Variants in URI1 observed in about 807,000 individuals in gnomAD.
URI1 encodes the protein unconventional prefoldin RPB5 interactor 1.
URI1 carries 39 observed loss-of-function variants against 60.2 expected under a neutral mutation model. That is an observed-to-expected ratio of 0.65 (90% CI 0.50 to 0.85). The LOEUF (loss-of-function observed/expected upper bound fraction) is 0.85, where lower values mean the gene tolerates loss of function less well. Among genes scored for constraint, URI1 ranks in the 40% least tolerant of loss-of-function variants. The probability of loss-of-function intolerance (pLI) is 0.00; values close to 1 mark genes in which losing one functional copy is unlikely to be tolerated. For synonymous variants in URI1, 251 were observed against 236.8 expected (o/e 1.06, Z -0.55); for missense variants, 691 against 665.9 (o/e 1.04, Z -0.42).
At chr19:29,942,121 A>G (rs966201400), upstream of URI1, 2 of 720,396 alleles carry the variant, frequency 2.8e-6, no homozygotes, top group Admixed American at 6.3e-5. Flanking sequence ...GGACACCGCC[A>G]GCCCCAGCCA....
chr19:29,964,622 G>A (rs572759637), intron 1 of URI1, among the ~76,000 whole-genome samples: 1 of 151,590 alleles, frequency 6.6e-6, no homozygotes, highest in Admixed American at 6.6e-5. Context: ...CACAACGCCT[G>A]GCCAATTTTT....
chr19:29,964,452 GTT>G (rs1380907956), intron 1 of URI1, among the ~76,000 whole-genome samples: 2 of 137,260 alleles, frequency 1.5e-5, no homozygotes, highest in East Asian at 2.1e-4. Context: ...TTTTGTTTTT[GTT>G]TTTTGTTTTG....
chr19:29,971,028 G>C, intron 1 of URI1, 165 bp from the exon 2 acceptor site: 1 of 648,104 alleles, frequency 1.5e-6, no homozygotes, highest in South Asian at 1.9e-5. Context: ...AAAGTGTGCT[G>C]CTTAAAAACT....
intron 1 of URI1, among the ~76,000 whole-genome samples, chr19:29,964,452 G>GTTTTTTTTT (rs1380907956): frequency 8.0e-5 from 11 of 137,256 alleles, no homozygotes; most frequent in African/African-American, 3.0e-4. Context: ...TTTTGTTTTT[G>GTTTTTTTTT]TTTTTTGTTT....
chr19:29,933,722 C>T (rs75303713), intron 1 of URI1, among the ~76,000 whole-genome samples: 16,475 of 150,946 alleles, frequency 0.11, 1,406 homozygotes, highest in East Asian at 0.22. Context: ...CTCAGGAGGC[C>T]GAGGCAGGAG....
chr19:29,972,115 G>C (rs1163844089), intron 2 of URI1, among the ~76,000 whole-genome samples: 1 of 151,896 alleles, frequency 6.6e-6, no homozygotes, highest in Non-Finnish European at 1.5e-5. Context: ...AATGTTTTTT[G>C]GTTTAAATGC....
chr19:29,934,554 G>T (rs1228066274), intron 1 of URI1, among the ~76,000 whole-genome samples: 2 of 151,970 alleles, frequency 1.3e-5, no homozygotes, highest in African/African-American at 4.8e-5. Flanking sequence ...TCTCTGTTAT[G>T]ACATGAGGTC....
At chr19:29,923,979 C>T (rs1199465523) in intron 1 of URI1, among the ~76,000 whole-genome samples, 1 of 152,090 alleles carries the variant, frequency 6.6e-6, no homozygotes, top group Non-Finnish European at 1.5e-5. Flanking sequence ...TGAAGAGCCA[C>T]GGAAGCTGAT....
intron 1 of URI1, among the ~76,000 whole-genome samples, chr19:29,961,184 A>G (rs1247101159): frequency 6.6e-6 from 1 of 151,558 alleles, no homozygotes; most frequent in Non-Finnish European, 1.5e-5. Flanking sequence ...TTAAGTATAC[A>G]GTTCAGTGGC....
At chr19:29,941,099 G>C (rs961015354), upstream of URI1, among the ~76,000 whole-genome samples, 1 of 152,174 alleles carries the variant, frequency 6.6e-6, no homozygotes, top group South Asian at 2.1e-4. Flanking sequence ...CTTGGGAGCT[G>C]GGCAGGAGTG....
chr19:30,012,164 T>G, intron 9 of URI1, 121 bp from the exon 10 acceptor site: 10 of 1,178,806 alleles, frequency 8.5e-6, no homozygotes, highest in Non-Finnish European at 1.2e-5. Flanking sequence ...ATTTTAGATA[T>G]AAGATTGTAA....
At chr19:29,931,910 TTGTGTG>T (rs56181840) in intron 1 of URI1, among the ~76,000 whole-genome samples, 285 of 140,084 alleles carry the variant, frequency 2.0e-3, no homozygotes, top group African/African-American at 6.8e-3. Context: ...GCTCTAACAG[TTGTGTG>T]TGTGTGTGTG....
intron 1 of URI1, among the ~76,000 whole-genome samples, chr19:29,950,263 G>C (rs1274819735): frequency 6.6e-6 from 1 of 152,102 alleles, no homozygotes; most frequent in Non-Finnish European, 1.5e-5. Context: ...CAAAACACTG[G>C]GGGGAAAGGG....
chr19:29,949,139 C>T (rs1435415985), intron 1 of URI1, among the ~76,000 whole-genome samples: 9 of 151,384 alleles, frequency 5.9e-5, no homozygotes, highest in Admixed American at 5.3e-4. Flanking sequence ...GGAGGGGCTC[C>T]TCACCTCCCA....
At chr19:29,971,897 C>T (rs1198926471) in intron 2 of URI1, among the ~76,000 whole-genome samples, 2 of 151,918 alleles carry the variant, frequency 1.3e-5, no homozygotes, top group Non-Finnish European at 2.9e-5. Flanking sequence ...GCTGTGCTTA[C>T]GAAGGTTTTA....
intron 4 of URI1, 46 bp from the exon 5 acceptor site, chr19:30,005,315 C>G: frequency 9.2e-7 from 1 of 1,089,522 alleles, no homozygotes; most frequent in East Asian, 2.5e-5. Flanking sequence ...TCCTACAGGT[C>G]GTATATATGC....
rs529109964 is a variant in URI1, at chr19:29,969,043, T to A, written c.118-2150T>A. ...GACATGCCATCAGAAGGCTAGTCTA[T>A]ATATTTTTATATCTACCTCTTTCAT... On this transcript the variant is annotated intron_variant, in intron 1 of 10. Coordinates refer to ENST00000392271, the MANE Select transcript of URI1 (RefSeq NM_003796.3). Among the ~76,000 whole-genome samples, 4 of 152,286 alleles carry A rather than the reference T, an allele frequency of 2.6e-5. No individual in the cohort carries two copies. The East Asian group carries it at 7.7e-4, about 29-fold the overall frequency.
chr19:29,994,987 G>C (rs2055793816), intron 4 of URI1, among the ~76,000 whole-genome samples: 2 of 151,908 alleles, frequency 1.3e-5, no homozygotes, highest in African/African-American at 4.8e-5. Flanking sequence ...TCACCATGTT[G>C]GCCAGGCTGA....
At chr19:29,999,980 CT>C (rs11395656) in intron 4 of URI1, among the ~76,000 whole-genome samples, 14 of 147,066 alleles carry the variant, frequency 9.5e-5, no homozygotes, top group African/African-American at 3.5e-4. Context: ...TTGTTTACTT[CT>C]TTTTTTTTTA....
Sources: allele counts gnomAD v4.1 joint callset (sites outside exome capture counted in the v4.1 genomes callset), GRCh38; gene constraint gnomAD v4.1.1; transcripts MANE v1.5; gene names NCBI Gene and HGNC (gene_info 2026-07-23, HGNC 2026-07-21).